COL4A5: variants seen among roughly 807,000 people sequenced by gnomAD.
COL4A5 encodes collagen type IV alpha 5 chain.
In COL4A5, 26 loss-of-function variants were observed where a neutral mutation model predicts 130.2. The ratio of observed to expected loss-of-function variants is 0.20; its 90% CI spans 0.15 to 0.28. The LOEUF is 0.28. COL4A5 is among the 10% of genes least tolerant of loss of function. The probability of loss-of-function intolerance (pLI) is 1.00; values close to 1 mark genes in which losing one functional copy is unlikely to be tolerated. For missense variants in COL4A5, 1,131 were observed against 1,344.3 expected, an observed-to-expected ratio of 0.84 and a Z score of 2.48; for synonymous variants, 496 against 439.6, an observed-to-expected ratio of 1.13 and a Z score of -1.60.
chrX:108,526,571 T>TCCTC (rs200411598), intron 1 of COL4A5, among the ~76,000 whole-genome samples: 12 of 82,124 alleles, frequency 1.5e-4, no homozygotes, highest in East Asian at 7.9e-4. Flanking sequence ...CTCCTTCCTT[T>TCCTC]CCTCCCTCCC....
chrX:108,681,017 G>A, intron 46 of COL4A5, 61 bp downstream of exon 46: 1 of 1,036,227 alleles, frequency 9.7e-7, no homozygotes, highest in Non-Finnish European at 1.4e-6. Context: ...GAATTTGAAA[G>A]TTTTCATTCT....
At chrX:108,642,942 G>A (rs1406786489) in intron 36 of COL4A5, among the ~76,000 whole-genome samples, 2 of 109,834 alleles carry the variant, frequency 1.8e-5, no homozygotes, top group African/African-American at 6.6e-5. Flanking sequence ...GAATTCAGGA[G>A]GTTACTTATT....
At position 108,494,709 on chromosome X, in the gene COL4A5, T is replaced by C. The variant is rs779281673; in HGVS notation, c.82-45037T>C. ...AGTCACTCACAAGTTCTTAAAATCCTATATGTTTTAAGATATATTAGAGGC... is the reference window on the plus strand; with the variant it reads ...AGTCACTCACAAGTTCTTAAAATCCCATATGTTTTAAGATATATTAGAGGC... On this transcript the variant is annotated intron_variant, in intron 1 of 52. Transcript: ENST00000328300. Among the ~76,000 whole-genome samples, 7 of 111,387 alleles carry C rather than the reference T, an allele frequency of 6.3e-5. No individual in the cohort carries two copies. In the South Asian group the frequency reaches 2.7e-3, roughly 42 times the overall value.
chrX:108,655,254 C>G (rs532672366), intron 36 of COL4A5, 77 bp from the exon 37 acceptor site: 2 of 1,121,310 alleles, frequency 1.8e-6, no homozygotes, highest in African/African-American at 1.8e-5. Flanking sequence ...AATAAAAGCT[C>G]TATAAATAAT....
intron 10 of COL4A5, among the ~76,000 whole-genome samples, chrX:108,576,474 G>T (rs1443670637): frequency 8.9e-6 from 1 of 111,865 alleles, no homozygotes; most frequent in Non-Finnish European, 1.9e-5. Flanking sequence ...TACAGATCCT[G>T]AATGTGCAAC....
At chrX:108,557,839 C>G (rs1275542720) in intron 2 of COL4A5, among the ~76,000 whole-genome samples, 2 of 110,371 alleles carry the variant, frequency 1.8e-5, no homozygotes, top group Non-Finnish European at 3.8e-5. Context: ...CCAGAGGCAG[C>G]CTTCGAGCCT....
intron 37 of COL4A5, among the ~76,000 whole-genome samples, chrX:108,660,828 A>G (rs1439861178): frequency 8.9e-6 from 1 of 111,787 alleles, no homozygotes; most frequent in Non-Finnish European, 1.9e-5. Flanking sequence ...CGTGTGTCAC[A>G]TAACAACATT....
At chrX:108,488,663 C>T (rs1361901118) in intron 1 of COL4A5, among the ~76,000 whole-genome samples, 1 of 111,882 alleles carries the variant, frequency 8.9e-6, no homozygotes, top group Non-Finnish European at 1.9e-5. Flanking sequence ...CATTTCTGTT[C>T]TGAATAAGGT....
At chrX:108,616,223 TTTG>T (rs1230376416) in intron 30 of COL4A5, among the ~76,000 whole-genome samples, 1 of 110,164 alleles carries the variant, frequency 9.1e-6, no homozygotes, top group African/African-American at 3.3e-5. Flanking sequence ...CTGTTTTTTT[TTTG>T]TTGTTGTTGT....
intron 2 of COL4A5, among the ~76,000 whole-genome samples, chrX:108,546,687 A>G (rs1439119125): frequency 3.6e-5 from 4 of 111,551 alleles, no homozygotes; most frequent in Admixed American, 9.5e-5. Flanking sequence ...TCTCCTGGAT[A>G]ATATCCTGCA....
chrX:108,442,298 ATTTC>A (rs1230402391), intron 1 of COL4A5, among the ~76,000 whole-genome samples: 2 of 111,687 alleles, frequency 1.8e-5, no homozygotes, highest in African/African-American at 6.5e-5. Flanking sequence ...TAGGTAAATG[ATTTC>A]TTTATCTCTG....
intron 48 of COL4A5, among the ~76,000 whole-genome samples, chrX:108,686,994 T>C (rs902347390): frequency 8.9e-6 from 1 of 112,051 alleles, no homozygotes; most frequent in African/African-American, 3.2e-5. Flanking sequence ...AAGGCCTGTA[T>C]ATACAGAAAA....
intron 49 of COL4A5, among the ~76,000 whole-genome samples, chrX:108,692,057 G>C (rs763954092): frequency 8.9e-6 from 1 of 111,785 alleles, no homozygotes; most frequent in East Asian, 2.8e-4. Flanking sequence ...CTTTAGATAT[G>C]TTAACTTTCA....
intron 1 of COL4A5, among the ~76,000 whole-genome samples, chrX:108,451,098 G>C (rs2092842879): frequency 9.3e-6 from 1 of 107,546 alleles, no homozygotes; most frequent in South Asian, 4.2e-4. Context: ...TGCGGTGTTT[G>C]ATTTTTTGTC....
At chrX:108,563,661 G>A (rs1431346334) in intron 3 of COL4A5, among the ~76,000 whole-genome samples, 1 of 111,373 alleles carries the variant, frequency 9.0e-6, no homozygotes, top group Non-Finnish European at 1.9e-5. Flanking sequence ...ATATGTCAGC[G>A]ATTTCCTTCT....
At chrX:108,654,327 G>A (rs373804137) in intron 36 of COL4A5, among the ~76,000 whole-genome samples, 2 of 107,823 alleles carry the variant, frequency 1.9e-5, no homozygotes, top group Non-Finnish European at 3.7e-5. Flanking sequence ...AACTTTCAAT[G>A]TAATTAAGGA....
intron 2 of COL4A5, among the ~76,000 whole-genome samples, chrX:108,549,791 G>A (rs1048006559): frequency 1.4e-4 from 15 of 110,810 alleles, no homozygotes; most frequent in Middle Eastern, 4.3e-3. Flanking sequence ...GTAATTGATA[G>A]CACAAAAGAT....
At chrX:108,685,986 G>GA in intron 47 of COL4A5, 45 bp from the exon 48 acceptor site, 6 of 1,054,825 alleles carry the variant, frequency 5.7e-6, no homozygotes, top group Non-Finnish European at 8.0e-6. Context: ...GTCCAGATGT[G>GA]AAAATATTCT....
In COL4A5 at chrX:108,668,630, C is replaced by G. The variant is rs185018794; in HGVS notation, c.3790+126C>G. On this transcript the variant is annotated intron_variant, in intron 41 of 52. Coordinates refer to ENST00000328300, the MANE Select transcript of COL4A5 (RefSeq NM_033380.3). Reference sequence around the variant, plus strand: ...GCATTGGAGGATGTTAAAAAAAAGACTTTAAAATTTGTGATATAACTTCTT... The same window carrying G: ...GCATTGGAGGATGTTAAAAAAAAGAGTTTAAAATTTGTGATATAACTTCTT... 2.3e-3 allele frequency: 1,113 copies of G among 494,051 alleles called. 9 individuals are homozygous for G. In the African/African-American group the frequency reaches 0.024, roughly 11 times the overall value. 40.7% of individuals were successfully genotyped at this position (494,051 alleles called of 1,213,427 possible).
Sources: allele counts gnomAD v4.1 joint callset (sites outside exome capture counted in the v4.1 genomes callset), GRCh38; gene constraint gnomAD v4.1.1; transcripts MANE v1.5; gene names NCBI Gene and HGNC (gene_info 2026-07-23, HGNC 2026-07-21).